ERBB4: variants seen among roughly 807,000 people sequenced by gnomAD.
The protein encoded by ERBB4 is erb-b2 receptor tyrosine kinase 4.
A neutral mutation model predicts 158.0 loss-of-function variants in ERBB4; 42 were observed. That is an observed-to-expected ratio of 0.27 (90% CI 0.21 to 0.34). The LOEUF (loss-of-function observed/expected upper bound fraction) is 0.34. Ranked by LOEUF, ERBB4 falls within the 10% of genes least tolerant of loss-of-function variation. ERBB4 has a pLI of 1.00. For missense variants in ERBB4, 1,333 were observed against 1,624.1 expected (o/e 0.82, Z 3.08); for synonymous variants, 583 against 558.7 (o/e 1.04, Z -0.61).
At chr2:212,095,723 G>C (rs919788383) in intron 2 of ERBB4, among the ~76,000 whole-genome samples, 1 of 152,034 alleles carries the variant, frequency 6.6e-6, no homozygotes, top group African/African-American at 2.4e-5. Context: ...ACGAGGTCAG[G>C]AGATCGAGAC....
intron 3 of ERBB4, among the ~76,000 whole-genome samples, chr2:211,859,328 A>G (rs2077954487): frequency 6.6e-6 from 1 of 152,184 alleles, no homozygotes; most frequent in Admixed American, 6.5e-5. Flanking sequence ...ACCCTAACTT[A>G]TAACTTGATT....
At chr2:211,388,115 A>C (rs1202872998) in intron 25 of ERBB4, 123 bp from the exon 26 acceptor site, 1 of 759,282 alleles carries the variant, frequency 1.3e-6, no homozygotes, top group Non-Finnish European at 2.4e-6. Context: ...AAAAGTGCAC[A>C]ACAGTGAAGC....
intron 2 of ERBB4, among the ~76,000 whole-genome samples, chr2:212,122,312 T>C (rs780283922): frequency 6.6e-6 from 1 of 151,994 alleles, no homozygotes; most frequent in Non-Finnish European, 1.5e-5. Context: ...TAGAAAGGTG[T>C]AATACATAAG....
chr2:212,122,590 C>T (rs2079790638), intron 2 of ERBB4, among the ~76,000 whole-genome samples: 1 of 151,956 alleles, frequency 6.6e-6, no homozygotes, highest in South Asian at 2.1e-4. Context: ...CCTTATCTTA[C>T]TTTTTCCAAA....
rs1018475161 is a variant in ERBB4, at chr2:212,443,264, G to T, written c.82+95185C>A. Among the ~76,000 whole-genome samples, 9 of 152,092 alleles carry T rather than the reference G, an allele frequency of 5.9e-5. No homozygotes were observed. In the South Asian group the frequency reaches 1.7e-3, roughly 28 times the overall value. On this transcript the variant is annotated intron_variant, in intron 1 of 27. Transcript: ENST00000342788. ...TTTCATCTCCACAAGATATCATATT[G>T]GTCCATTACATTCATGACATTATGC...
intron 2 of ERBB4, among the ~76,000 whole-genome samples, chr2:212,032,298 T>C (rs2076921623): frequency 6.6e-6 from 1 of 152,050 alleles, no homozygotes; most frequent in Admixed American, 6.6e-5. Flanking sequence ...AACCTAGAAA[T>C]ACTGAAAAAA....
chr2:211,916,807 C>A (rs1472446639), intron 3 of ERBB4, among the ~76,000 whole-genome samples: 1 of 152,068 alleles, frequency 6.6e-6, no homozygotes. Flanking sequence ...TAAGGAGACA[C>A]ATTTAAGAAT....
chr2:211,806,643 T>C (rs997326671), intron 3 of ERBB4, among the ~76,000 whole-genome samples: 24 of 152,058 alleles, frequency 1.6e-4, no homozygotes, highest in Non-Finnish European at 2.2e-4. Context: ...CCAAAGAAGG[T>C]AGTCTCCAGG....
At chr2:212,384,297 T>C (rs2090603327) in intron 1 of ERBB4, among the ~76,000 whole-genome samples, 1 of 151,694 alleles carries the variant, frequency 6.6e-6, no homozygotes, top group Non-Finnish European at 1.5e-5. Flanking sequence ...TAGCAGTGAC[T>C]TAAGACAAGT....
chr2:211,760,140 A>T (rs1186707641), intron 4 of ERBB4, among the ~76,000 whole-genome samples: 4 of 152,210 alleles, frequency 2.6e-5, no homozygotes, highest in Non-Finnish European at 1.5e-5. Flanking sequence ...AGATTACTTA[A>T]ACAATAGAAA....
intron 20 of ERBB4, among the ~76,000 whole-genome samples, chr2:211,506,648 T>G (rs1344709628): frequency 6.6e-6 from 1 of 152,018 alleles, no homozygotes; most frequent in African/African-American, 2.4e-5. Context: ...AACTTATTTC[T>G]GAATGACTTT....
chr2:212,134,551 T>G (rs1439607938), intron 1 of ERBB4, among the ~76,000 whole-genome samples: 1 of 152,006 alleles, frequency 6.6e-6, no homozygotes, highest in African/African-American at 2.4e-5. Flanking sequence ...TATTTTTCAG[T>G]GTAAAAATTG....
intron 2 of ERBB4, among the ~76,000 whole-genome samples, chr2:212,089,899 GAAATCTCTTTCTTTGATAAGAACAA>G (rs1328483621): frequency 2.0e-5 from 3 of 152,092 alleles, no homozygotes; most frequent in Non-Finnish European, 4.4e-5. Flanking sequence ...TAATTGTTCT[GAAATCTCTTTCTTTGATAAGAACAA>G]GTTGCTTAGA....
chr2:211,839,464 T>C (rs1259991045), intron 3 of ERBB4, among the ~76,000 whole-genome samples: 1 of 152,084 alleles, frequency 6.6e-6, no homozygotes, highest in Non-Finnish European at 1.5e-5. Flanking sequence ...ATTAAAAGTA[T>C]ATTCTGACTG....
intron 19 of ERBB4, among the ~76,000 whole-genome samples, chr2:211,580,907 A>ATATATATATATATATATATATAC (rs2068085010): frequency 2.2e-5 from 2 of 91,816 alleles, no homozygotes. Context: ...ATATATATAT[A>ATATATATATATATATATATATAC]TATATATATG....
intron 25 of ERBB4, among the ~76,000 whole-genome samples, chr2:211,391,247 C>T (rs2062792707): frequency 6.6e-6 from 1 of 152,158 alleles, no homozygotes; most frequent in African/African-American, 2.4e-5. Context: ...GAAAGAATGA[C>T]AGCTGCAAGT....
chr2:212,345,370 A>G (rs1290963337), intron 1 of ERBB4, among the ~76,000 whole-genome samples: 2 of 151,542 alleles, frequency 1.3e-5, no homozygotes, highest in African/African-American at 4.9e-5. Context: ...ACTTTATTCT[A>G]TGGTTTTCAA....
intron 2 of ERBB4, among the ~76,000 whole-genome samples, chr2:211,972,994 T>C (rs2081497902): frequency 6.6e-6 from 1 of 151,938 alleles, no homozygotes; most frequent in African/African-American, 2.4e-5. Context: ...ACCTAAAAAA[T>C]GGGAGAAAAT....
At chr2:211,874,222 A>C in intron 3 of ERBB4, among the ~76,000 whole-genome samples, 1 of 152,142 alleles carries the variant, frequency 6.6e-6, no homozygotes. Flanking sequence ...ATCTATTTAC[A>C]CTGAAGAATA....
Sources: allele counts gnomAD v4.1 joint callset (sites outside exome capture counted in the v4.1 genomes callset), GRCh38; gene constraint gnomAD v4.1.1; transcripts MANE v1.5; gene names NCBI Gene and HGNC (gene_info 2026-07-23, HGNC 2026-07-21).